The following COL15A1 variants were observed in gnomAD, a reference collection of about 807,000 sequenced individuals.
The protein encoded by COL15A1 is collagen type XV alpha 1 chain, also known as collagen alpha-1(XV) chain.
COL15A1 carries 111 observed loss-of-function variants against 165.9 expected under a neutral mutation model. The observed-to-expected ratio is 0.67, with a 90% CI of 0.57 to 0.78. The LOEUF (loss-of-function observed/expected upper bound fraction) is 0.78. COL15A1 is among the 30% of genes least tolerant of loss of function. The pLI is 0.00. For synonymous variants in COL15A1, 659 were observed against 674.8 expected (o/e 0.98, Z 0.36); for missense variants, 1,745 against 1,789.7 (o/e 0.98, Z 0.45).
chr9:98,951,709 C>G (rs1178099538), intron 2 of COL15A1, among the ~76,000 whole-genome samples: 1 of 151,940 alleles, frequency 6.6e-6, no homozygotes, highest in East Asian at 1.9e-4. Flanking sequence ...GATTACATAC[C>G]CTCATACCCA....
rs141358410 is a variant in COL15A1 at position 99,006,293 on chromosome 9, T to C, written c.1353+1243T>C. On this transcript the variant is annotated intron_variant, in intron 9 of 41. Transcript: ENST00000375001. ...CTCCCTACCAGAATGTAAGCTCTGC[T>C]AGAACAGAGATTACTGATACAATAT... is the stretch of plus-strand genomic sequence containing the variant. 3.2e-3 allele frequency among the ~76,000 whole-genome samples: 488 copies of C among 152,362 alleles called. 1 individual carries two copies. Among genetic ancestry groups the C allele is most frequent in the Non-Finnish European group, 3.3e-3 (223 of 68,036 alleles).
intron 2 of COL15A1, among the ~76,000 whole-genome samples, chr9:98,976,397 G>A (rs1393973048): frequency 6.6e-6 from 1 of 152,184 alleles, no homozygotes; most frequent in East Asian, 1.9e-4. Flanking sequence ...TCAGGGAGGG[G>A]GACTAGCTGG....
chr9:99,061,414 C>G (rs1825813970), intron 36 of COL15A1, among the ~76,000 whole-genome samples: 1 of 152,216 alleles, frequency 6.6e-6, no homozygotes, highest in African/African-American at 2.4e-5. Context: ...ATCTTTGGCA[C>G]TTTTCTAGGC....
intron 16 of COL15A1, among the ~76,000 whole-genome samples, chr9:99,026,814 T>C (rs1839134762): frequency 6.6e-6 from 1 of 152,178 alleles, no homozygotes; most frequent in Admixed American, 6.5e-5. Context: ...GAAGTTCCCA[T>C]GCTATTGAGA....
chr9:99,035,238 G>C, intron 18 of COL15A1, 84 bp downstream of exon 18: 2 of 1,589,298 alleles, frequency 1.3e-6, no homozygotes, highest in South Asian at 2.2e-5. Flanking sequence ...CCTGGTCTCA[G>C]GGCAGAGGCT....
At chr9:99,062,194 G>A in intron 37 of COL15A1, 51 bp from the exon 38 acceptor site, 2 of 1,600,946 alleles carry the variant, frequency 1.2e-6, no homozygotes, top group Non-Finnish European at 1.7e-6. Context: ...GTTTTGAAAT[G>A]GGAGAAGTTT....
At chr9:99,004,864 G>A (rs572154767) in intron 8 of COL15A1, 34 bp from the exon 9 acceptor site, 33 of 1,613,450 alleles carry the variant, frequency 2.0e-5, no homozygotes, top group Middle Eastern at 3.3e-4. Context: ...GCATCATGGG[G>A]CACTGACGCG....
At chr9:98,992,379 G>T (rs1838456998) in intron 5 of COL15A1, among the ~76,000 whole-genome samples, 1 of 152,252 alleles carries the variant, frequency 6.6e-6, no homozygotes, top group Admixed American at 6.5e-5. Flanking sequence ...AGGGTCGGTG[G>T]CACCGGCTGG....
intron 5 of COL15A1, among the ~76,000 whole-genome samples, chr9:98,989,956 C>CA (rs1328742253): frequency 1.3e-5 from 2 of 152,198 alleles, no homozygotes; most frequent in African/African-American, 2.4e-5. Context: ...AAACAGCAAG[C>CA]AGCAGCAGAG....
At chr9:99,060,242 A>T (rs1301353085) in intron 36 of COL15A1, among the ~76,000 whole-genome samples, 3 of 108,104 alleles carry the variant, frequency 2.8e-5, no homozygotes, top group Non-Finnish European at 5.3e-5. Flanking sequence ...TTTTATATAT[A>T]TATATATATA....
intron 34 of COL15A1, 41 bp from the exon 35 acceptor site, chr9:99,056,219 A>G: frequency 6.2e-7 from 1 of 1,602,794 alleles, no homozygotes; most frequent in Non-Finnish European, 8.5e-7. Flanking sequence ...TCGAGTGATG[A>G]ATGATGCTTT....
intron 16 of COL15A1, among the ~76,000 whole-genome samples, chr9:99,032,183 A>AT (rs1287500050): frequency 6.6e-6 from 1 of 151,472 alleles, no homozygotes; most frequent in Non-Finnish European, 1.5e-5. Context: ...TATTGTTTCT[A>AT]TTTTATTTTT....
intron 12 of COL15A1, among the ~76,000 whole-genome samples, chr9:99,021,886 G>A (rs1377980482): frequency 6.6e-6 from 1 of 152,238 alleles, no homozygotes; most frequent in African/African-American, 2.4e-5. Flanking sequence ...CACAGCCTGT[G>A]CCCTCCAAGT....
intron 31 of COL15A1, 131 bp downstream of exon 31, chr9:99,052,564 G>A (rs902002332): frequency 7.8e-6 from 6 of 769,890 alleles, no homozygotes; most frequent in Middle Eastern, 2.3e-4. Flanking sequence ...GGGTGGGGAT[G>A]GCAGCTGAGC....
At chr9:99,033,523 C>G (rs1485001527) in intron 16 of COL15A1, among the ~76,000 whole-genome samples, 1 of 152,204 alleles carries the variant, frequency 6.6e-6, no homozygotes, top group African/African-American at 2.4e-5. Context: ...GACTTTTCTC[C>G]CTGTGGTTTC....
intron 21 of COL15A1, 41 bp from the exon 22 acceptor site, chr9:99,038,627 T>G: frequency 8.2e-7 from 1 of 1,219,808 alleles, no homozygotes; most frequent in East Asian, 2.3e-5. Context: ...GCAGAACACA[T>G]GCCATCCTTT....
intron 28 of COL15A1, 81 bp from the exon 29 acceptor site, chr9:99,049,609 C>T: frequency 6.4e-7 from 1 of 1,571,576 alleles, no homozygotes; most frequent in Non-Finnish European, 8.7e-7. Flanking sequence ...TCCTTTCCTT[C>T]CTCTGGAGGA....
At chr9:98,968,415 G>C (rs967486759) in intron 2 of COL15A1, among the ~76,000 whole-genome samples, 1 of 152,204 alleles carries the variant, frequency 6.6e-6, no homozygotes, top group Non-Finnish European at 1.5e-5. Context: ...GGCTCTAGCA[G>C]GGAATCCATT....
chr9:98,949,650 G>C (rs1034544908), intron 2 of COL15A1, among the ~76,000 whole-genome samples: 3 of 151,980 alleles, frequency 2.0e-5, no homozygotes, highest in African/African-American at 7.3e-5. Flanking sequence ...TATGTTTATT[G>C]ACCATTTAGA....
Sources: allele counts gnomAD v4.1 joint callset (sites outside exome capture counted in the v4.1 genomes callset), GRCh38; gene constraint gnomAD v4.1.1; transcripts MANE v1.5; gene names NCBI Gene and HGNC (gene_info 2026-07-23, HGNC 2026-07-21).